Variants in LRP1B observed in about 807,000 individuals in gnomAD.
The protein encoded by LRP1B is low-density lipoprotein receptor-related protein 1B.
LRP1B carries 217 observed loss-of-function variants against 556.6 expected under a neutral mutation model. The observed-to-expected ratio is 0.39, with a 90% CI of 0.35 to 0.44. The LOEUF is 0.44. Among genes scored for constraint, LRP1B ranks in the 20% least tolerant of loss-of-function variants. LRP1B has a pLI of 1.00. For missense variants in LRP1B, 5,053 were observed against 5,620.8 expected (o/e 0.90, Z 3.23); for synonymous variants, 2,047 against 1,865.8 (o/e 1.10, Z -2.50).
intron 2 of LRP1B, among the ~76,000 whole-genome samples, chr2:141,530,858 T>C (rs1278039754): frequency 6.6e-6 from 1 of 150,566 alleles, no homozygotes; most frequent in East Asian, 1.9e-4. Context: ...GAAAGTTCAG[T>C]ACGCTTGGGG....
At chr2:142,123,612 G>A (rs759111076) in intron 1 of LRP1B, among the ~76,000 whole-genome samples, 28 of 151,364 alleles carry the variant, frequency 1.8e-4, no homozygotes, top group Non-Finnish European at 4.0e-4. Context: ...GAAATGTAAT[G>A]TCGGTATCTT....
At chr2:141,366,622 C>G (rs1218240844) in intron 3 of LRP1B, among the ~76,000 whole-genome samples, 2 of 152,114 alleles carry the variant, frequency 1.3e-5, no homozygotes, top group African/African-American at 4.8e-5. Flanking sequence ...AGTTTTTAGC[C>G]TTTTATTTCA....
chr2:140,785,417 C>G (rs1689861255), intron 32 of LRP1B, among the ~76,000 whole-genome samples: 2 of 152,168 alleles, frequency 1.3e-5, no homozygotes, highest in East Asian at 3.9e-4. Flanking sequence ...ATCTAGAGAG[C>G]AAGCTGGCAT....
chr2:140,847,243 A>G (rs1692300008), intron 29 of LRP1B, among the ~76,000 whole-genome samples: 1 of 152,212 alleles, frequency 6.6e-6, no homozygotes, highest in Admixed American at 6.5e-5. Flanking sequence ...CAGTAGCTAA[A>G]GTGGCCTCTT....
chr2:140,832,139 A>AT (rs144987231), intron 31 of LRP1B, among the ~76,000 whole-genome samples: 3,218 of 151,648 alleles, frequency 0.021, 143 homozygotes, highest in East Asian at 0.18. Context: ...CTTATATATG[A>AT]TTTTTTTTTC....
intron 3 of LRP1B, among the ~76,000 whole-genome samples, chr2:141,462,666 T>A (rs868238281): frequency 1.6e-4 from 24 of 151,804 alleles, no homozygotes; most frequent in Admixed American, 1.3e-4. Flanking sequence ...AATAAAAAAA[T>A]TAATAAATAA....
intron 68 of LRP1B, among the ~76,000 whole-genome samples, chr2:140,373,907 G>A (rs972797280): frequency 1.3e-5 from 2 of 152,100 alleles, no homozygotes; most frequent in African/African-American, 2.4e-5. Flanking sequence ...TGTTTTGCAT[G>A]GGCAAAGCTT....
intron 90 of LRP1B, 149 bp downstream of exon 90, chr2:140,234,632 CACATA>C (rs1236098665): frequency 5.3e-6 from 3 of 568,218 alleles, no homozygotes; most frequent in East Asian, 2.8e-5. Flanking sequence ...ATAGACAGGA[CACATA>C]ACATAAGCCC....
intron 1 of LRP1B, among the ~76,000 whole-genome samples, chr2:141,843,504 CAT>C (rs1697545962): frequency 6.6e-6 from 1 of 152,150 alleles, no homozygotes; most frequent in South Asian, 2.1e-4. Context: ...GAGAATATAA[CAT>C]GAGGGCACAG....
At chr2:141,534,883 C>G (rs150164695) in intron 2 of LRP1B, among the ~76,000 whole-genome samples, 85 of 152,216 alleles carry the variant, frequency 5.6e-4, no homozygotes, top group African/African-American at 1.8e-3. Context: ...AATGTACTTT[C>G]AAATGTGTCT....
chr2:140,968,848 G>C (rs1465659226), intron 18 of LRP1B, among the ~76,000 whole-genome samples: 9 of 152,200 alleles, frequency 5.9e-5, no homozygotes, highest in Admixed American at 1.3e-4. Context: ...TTTTGAGTGA[G>C]TTTCTTAATC....
intron 84 of LRP1B, among the ~76,000 whole-genome samples, chr2:140,287,399 G>A (rs62171603): frequency 0.33 from 49,436 of 151,314 alleles, 8,548 homozygotes; most frequent in African/African-American, 0.43. Context: ...GATGTTAATC[G>A]AGAAATCAGT....
chr2:141,179,057 T>A (rs1312385266), intron 7 of LRP1B, among the ~76,000 whole-genome samples: 1 of 152,092 alleles, frequency 6.6e-6, no homozygotes, highest in Non-Finnish European at 1.5e-5. Flanking sequence ...CTGTATAAAT[T>A]ATAATTGTTT....
chr2:141,884,215 AAAAT>A (rs1289365118), intron 1 of LRP1B, among the ~76,000 whole-genome samples: 1 of 126,398 alleles, frequency 7.9e-6, no homozygotes, highest in African/African-American at 2.6e-5. Context: ...TCTCTACAAA[AAAAT>A]AAAAATAATA....
chr2:141,960,870 AAAGCAT>A (rs1185039419), intron 1 of LRP1B, among the ~76,000 whole-genome samples: 1 of 151,956 alleles, frequency 6.6e-6, no homozygotes, highest in Non-Finnish European at 1.5e-5. Flanking sequence ...CACTATTTTA[AAAGCAT>A]AATATCTTAA....
chr2:140,384,243 A>C (rs77146306), intron 67 of LRP1B, among the ~76,000 whole-genome samples: 3,504 of 152,302 alleles, frequency 0.023, 52 homozygotes, highest in Non-Finnish European at 0.023. Flanking sequence ...CTCATAGATG[A>C]TTAACACCAA....
intron 72 of LRP1B, among the ~76,000 whole-genome samples, chr2:140,362,853 A>T (rs998052555): frequency 6.6e-6 from 1 of 151,610 alleles, no homozygotes; most frequent in Non-Finnish European, 1.5e-5. Context: ...TGTGCACATT[A>T]ATATCCATCT....
intron 2 of LRP1B, among the ~76,000 whole-genome samples, chr2:141,596,322 A>G (rs1042009829): frequency 1.3e-5 from 2 of 152,016 alleles, no homozygotes; most frequent in Non-Finnish European, 2.9e-5. Context: ...TTACTTGACA[A>G]AAAAATCAGA....
At chr2:140,488,761 C>A (rs149505099) in intron 57 of LRP1B, among the ~76,000 whole-genome samples, 53 of 152,074 alleles carry the variant, frequency 3.5e-4, no homozygotes, top group African/African-American at 1.1e-3. Flanking sequence ...GGAGAGCTTG[C>A]TTACATCAAT....
Sources: allele counts gnomAD v4.1 joint callset (sites outside exome capture counted in the v4.1 genomes callset), GRCh38; gene constraint gnomAD v4.1.1; transcripts MANE v1.5; gene names NCBI Gene and HGNC (gene_info 2026-07-23, HGNC 2026-07-21).